Variants in KCNMA1 observed in about 807,000 individuals in gnomAD.
KCNMA1 encodes potassium calcium-activated channel subfamily M alpha 1, also known as Calcium-activated potassium channel subunit alpha-1.
KCNMA1 carries 29 observed loss-of-function variants against 140.0 expected under a neutral mutation model. The ratio of observed to expected loss-of-function variants is 0.21; its 90% CI spans 0.15 to 0.28. The LOEUF (loss-of-function observed/expected upper bound fraction) is 0.28. Ranked by LOEUF, KCNMA1 falls within the 10% of genes least tolerant of loss-of-function variation. KCNMA1 has a pLI of 1.00. For missense variants in KCNMA1, 880 were observed against 1,602.2 expected, an observed-to-expected ratio of 0.55 and a Z score of 7.70; for synonymous variants, 612 against 611.9, an observed-to-expected ratio of 1.00 and a Z score of 0.00.
intron 23 of KCNMA1, among the ~76,000 whole-genome samples, chr10:76,927,442 A>G (rs1267791821): frequency 6.6e-6 from 1 of 152,162 alleles, no homozygotes; most frequent in East Asian, 1.9e-4. Flanking sequence ...CAGTTGTTCC[A>G]TTTTCTTGAA....
rs765794007 is a variant in KCNMA1 at position 77,403,918 on chromosome 10, C to T, written c.484G>A (p.Val162Met). The T allele has an allele frequency of 6.2e-7, 1 of 1,614,186 alleles. No individual in the cohort carries two copies. Among genetic ancestry groups the T allele is most frequent in the South Asian group, 1.1e-5 (1 of 91,088 alleles). ...ATCATCACCCCCGCCCAGTCCTTCA[C>T]GGAGGTCATCCAGCCGACCTCGGCG... is the stretch of plus-strand genomic sequence containing the variant. ...VAAEVGWMTS[V>M]KDWAGVMISA... is the part of the protein sequence containing the mutation. Residue 162 changes from valine to methionine, a missense_variant, in exon 2 of 28, where the codon GTG (valine) becomes ATG (methionine). Physicochemically the swap from Val to Met is conservative, Grantham distance 21. Coordinates refer to ENST00000286628, the MANE Select transcript of KCNMA1 (RefSeq NM_001161352.2).
At chr10:77,469,925 G>A (rs2098115810) in intron 1 of KCNMA1, among the ~76,000 whole-genome samples, 1 of 152,208 alleles carries the variant, frequency 6.6e-6, no homozygotes, top group Admixed American at 6.5e-5. Flanking sequence ...TTCAACTGCA[G>A]CAAGGAACAG....
intron 3 of KCNMA1, among the ~76,000 whole-genome samples, chr10:77,232,102 A>T (rs931533516): frequency 6.6e-6 from 1 of 152,200 alleles, no homozygotes; most frequent in African/African-American, 2.4e-5. Context: ...ATGTTGTGGC[A>T]TGTTTCAGTT....
chr10:77,519,034 A>T (rs2154549957), intron 1 of KCNMA1, among the ~76,000 whole-genome samples: 1 of 152,304 alleles, frequency 6.6e-6, no homozygotes, highest in Non-Finnish European at 1.5e-5. Flanking sequence ...TTCATCTTCC[A>T]TATAGTGTTA....
chr10:77,292,930 G>A (rs987795233), intron 2 of KCNMA1, among the ~76,000 whole-genome samples: 12 of 152,138 alleles, frequency 7.9e-5, no homozygotes, highest in South Asian at 2.1e-4. Context: ...AATTAGCATC[G>A]AGGTGGCAGG....
intron 14 of KCNMA1, among the ~76,000 whole-genome samples, chr10:77,046,631 T>G (rs112104974): frequency 6.6e-6 from 1 of 152,246 alleles, no homozygotes; most frequent in African/African-American, 2.4e-5. Context: ...GACTTCATCA[T>G]GGGACTTGTC....
intron 24 of KCNMA1, chr10:76,914,414 T>C: frequency 2.0e-6 from 1 of 503,806 alleles, no homozygotes; most frequent in South Asian, 2.9e-5. Flanking sequence ...TGGCATTTGC[T>C]GAAAATGGCT....
chr10:76,883,255 C>T (rs2035380233), downstream of KCNMA1, among the ~76,000 whole-genome samples: 3 of 151,952 alleles, frequency 2.0e-5, no homozygotes, highest in Admixed American at 2.0e-4. Flanking sequence ...AAAATCAAAC[C>T]AAGAGGACAA....
At chr10:77,040,064 G>A (rs978068758) in intron 14 of KCNMA1, among the ~76,000 whole-genome samples, 1 of 146,588 alleles carries the variant, frequency 6.8e-6, no homozygotes, top group Non-Finnish European at 1.5e-5. Context: ...TTTTTTTTAA[G>A]AGACAGAGTC....
chr10:77,575,481 C>T (rs188000485), intron 1 of KCNMA1, among the ~76,000 whole-genome samples: 143 of 152,302 alleles, frequency 9.4e-4, no homozygotes, highest in Non-Finnish European at 1.7e-3. Flanking sequence ...ATCTTGGCTG[C>T]ACCTTTCTGG....
chr10:76,989,316 A>C (rs77077785), intron 19 of KCNMA1, among the ~76,000 whole-genome samples: 7,482 of 152,250 alleles, frequency 0.049, 232 homozygotes, highest in Middle Eastern at 0.078. Context: ...CTGCGAACTC[A>C]CAGACAGAAG....
chr10:77,600,171 A>G (rs2082181232), intron 1 of KCNMA1, among the ~76,000 whole-genome samples: 1 of 152,214 alleles, frequency 6.6e-6, no homozygotes, highest in South Asian at 2.1e-4. Flanking sequence ...AAATGGAACA[A>G]CATACCTAGG....
chr10:77,134,997 CAAAAAAAAAAAAAAAA>C (rs71028253), intron 5 of KCNMA1, among the ~76,000 whole-genome samples: 7 of 11,768 alleles, frequency 5.9e-4, no homozygotes, highest in Non-Finnish European at 7.1e-4. Flanking sequence ...GACTCTGTCT[CAAAAAAAAAAAAAAAA>C]AAAAAAAAAA....
chr10:77,548,172 C>A (rs537668224), intron 1 of KCNMA1, among the ~76,000 whole-genome samples: 2 of 152,076 alleles, frequency 1.3e-5, no homozygotes, highest in Non-Finnish European at 2.9e-5. Context: ...CCTTCCAAAT[C>A]CACAGGAAGC....
At position 77,184,931 on chromosome 10, in the gene KCNMA1, G is replaced by A. The variant is rs775868905; in HGVS notation, c.603-15C>T. The A allele has an allele frequency of 8.6e-6, 13 of 1,508,938 alleles. No individual in the cohort carries two copies. The highest frequency in any genetic ancestry group is 2.8e-5 in the African/African-American group (2 of 72,720). 93.5% of individuals were successfully genotyped at this position (1,508,938 alleles called of 1,614,324 possible). A position where few individuals can be genotyped will look rare whatever the true frequency, so the allele number is the denominator to read the frequency against. ...ATTCTATTGGGCTATTAGACAGGAA[G>A]AAGAAAAAGCAAGAGGTAAATGACA... On this transcript the variant is annotated splice_polypyrimidine_tract_variant and intron_variant, in intron 3 of 27. Transcript: ENST00000286628.
chr10:77,154,882 T>C (rs1453440336), intron 5 of KCNMA1, among the ~76,000 whole-genome samples: 2 of 152,234 alleles, frequency 1.3e-5, no homozygotes, highest in African/African-American at 4.8e-5. Flanking sequence ...TAAATTGCTA[T>C]AAAACACACA....
chr10:77,570,179 CGATTCCT>C lies in KCNMA1; in HGVS notation c.378+67079_378+67085del, dbSNP rs1179018334. ...TCAACCATTGCGGAAGTCAGTGTGG[CGATTCCT>C]CAGGGATCTAGAACTAGAAATACCA... On this transcript the variant is annotated intron_variant, in intron 1 of 27. Coordinates refer to ENST00000286628, the MANE Select transcript of KCNMA1 (RefSeq NM_001161352.2). 4.7e-5 allele frequency among the ~76,000 whole-genome samples: 7 copies of C among 149,748 alleles called. No homozygotes were observed. In the South Asian group the frequency reaches 1.5e-3, roughly 32 times the overall value.
chr10:77,451,306 C>T (rs2097652782), intron 1 of KCNMA1, among the ~76,000 whole-genome samples: 1 of 152,136 alleles, frequency 6.6e-6, no homozygotes, highest in African/African-American at 2.4e-5. Flanking sequence ...TAGACAAAGG[C>T]CATCGGGCAG....
intron 1 of KCNMA1, among the ~76,000 whole-genome samples, chr10:77,560,241 A>C (rs1318055693): frequency 6.6e-6 from 1 of 152,226 alleles, no homozygotes; most frequent in Non-Finnish European, 1.5e-5. Flanking sequence ...AGCAGGTCAC[A>C]GAATCAACTG....
Sources: allele counts gnomAD v4.1 joint callset (sites outside exome capture counted in the v4.1 genomes callset), GRCh38; gene constraint gnomAD v4.1.1; transcripts MANE v1.5; gene names NCBI Gene and HGNC (gene_info 2026-07-23, HGNC 2026-07-21).